The following LHFPL3 variants were observed in gnomAD, a reference collection of about 807,000 sequenced individuals.
LHFPL3 encodes the protein LHFPL tetraspan subfamily member 3 protein.
A neutral mutation model predicts 19.3 loss-of-function variants in LHFPL3; 5 were observed. The observed-to-expected ratio is 0.26, with a 90% CI of 0.14 to 0.54. The LOEUF is 0.54. Among genes scored for constraint, LHFPL3 ranks in the 20% least tolerant of loss-of-function variants. The probability of loss-of-function intolerance (pLI) is 0.94; values close to 1 mark genes in which losing one functional copy is unlikely to be tolerated. For missense variants in LHFPL3, 249 were observed against 307.4 expected, an observed-to-expected ratio of 0.81 and a Z score of 1.42; for synonymous variants, 133 against 126.2, an observed-to-expected ratio of 1.05 and a Z score of -0.36.
At chr7:104,843,902 C>T (rs1232316821) in intron 2 of LHFPL3, among the ~76,000 whole-genome samples, 1 of 152,136 alleles carries the variant, frequency 6.6e-6, no homozygotes. Flanking sequence ...TCAATAGGCC[C>T]ATCTACATGA....
Position 104,435,373 on chromosome 7 carries a change from C to T in LHFPL3, c.445+106149C>T, listed in dbSNP as rs1459116118. Among the ~76,000 whole-genome samples the T allele has an allele frequency of 2.6e-5, 4 of 151,820 alleles. No individual in the cohort carries two copies. The East Asian group carries it at 7.7e-4, about 29-fold the overall frequency. On this transcript the variant is annotated intron_variant, in intron 1 of 2. Transcript: ENST00000424859. ...GCCAGGCTGCTCTCGACCTCCTGGC[C>T]TCAAGTGATCTCCTTGCCTGGGCCT...
intron 2 of LHFPL3, among the ~76,000 whole-genome samples, chr7:104,737,336 A>G (rs1330275946): frequency 2.6e-5 from 4 of 152,154 alleles, no homozygotes; most frequent in African/African-American, 2.4e-5. Context: ...TCATCTATAT[A>G]TATCTTTATT....
intron 1 of LHFPL3, among the ~76,000 whole-genome samples, chr7:104,676,658 T>C (rs17490586): frequency 0.037 from 5,684 of 152,328 alleles, 127 homozygotes; most frequent in African/African-American, 0.046. Context: ...CTTAGAAATG[T>C]TTAGCCTCAG....
intron 2 of LHFPL3, among the ~76,000 whole-genome samples, chr7:104,840,261 T>C (rs937870998): frequency 2.6e-5 from 4 of 150,946 alleles, no homozygotes; most frequent in African/African-American, 9.7e-5. Context: ...AAAAATCATT[T>C]TCTTGAAGAT....
At chr7:104,670,270 T>C (rs1792451352) in intron 1 of LHFPL3, among the ~76,000 whole-genome samples, 1 of 151,826 alleles carries the variant, frequency 6.6e-6, no homozygotes, top group Non-Finnish European at 1.5e-5. Flanking sequence ...AATTGATGAG[T>C]CATTTTGCAC....
chr7:104,573,622 A>G (rs1314108057), intron 1 of LHFPL3, among the ~76,000 whole-genome samples: 1 of 152,182 alleles, frequency 6.6e-6, no homozygotes, highest in Non-Finnish European at 1.5e-5. Flanking sequence ...ATTCACACCT[A>G]CATCAGTCGC....
rs548190989 is a variant in LHFPL3, at chr7:104,591,296, T to A, written c.446-145379T>A. Reference sequence around the variant, plus strand: ...TTAGTGCTTCCTTCATGAGCTCTTGTAAGGCAGGCCTGATGGTGACAAAAG... The same window carrying A: ...TTAGTGCTTCCTTCATGAGCTCTTGAAAGGCAGGCCTGATGGTGACAAAAG... On this transcript the variant is annotated intron_variant, in intron 1 of 2. Transcript: ENST00000424859. Among the ~76,000 whole-genome samples the A allele has an allele frequency of 1.1e-4, 16 of 152,340 alleles. No individual in the cohort carries two copies. The South Asian group carries it at 3.3e-3, about 32-fold the overall frequency.
At chr7:104,695,777 A>G (rs1033772136) in intron 1 of LHFPL3, among the ~76,000 whole-genome samples, 1 of 152,246 alleles carries the variant, frequency 6.6e-6, no homozygotes, top group Non-Finnish European at 1.5e-5. Context: ...AACAAGGGCA[A>G]CCAACAATAA....
intron 1 of LHFPL3, among the ~76,000 whole-genome samples, chr7:104,734,816 T>C (rs1584504288): frequency 1.3e-5 from 2 of 152,372 alleles, no homozygotes; most frequent in African/African-American, 4.8e-5. Context: ...ATTTTCAGTT[T>C]TTCTGTTCTG....
chr7:104,733,827 T>C (rs1157859759), intron 1 of LHFPL3, among the ~76,000 whole-genome samples: 5 of 152,242 alleles, frequency 3.3e-5, no homozygotes, highest in Non-Finnish European at 7.3e-5. Flanking sequence ...CGATGGGCTT[T>C]ACAGTTTGGC....
chr7:104,405,045 G>C (rs1266242861), intron 1 of LHFPL3, among the ~76,000 whole-genome samples: 1 of 152,060 alleles, frequency 6.6e-6, no homozygotes, highest in African/African-American at 2.4e-5. Flanking sequence ...TAGTTACATG[G>C]GTTTTTAAGA....
At chr7:104,727,854 T>C (rs1793619653) in intron 1 of LHFPL3, among the ~76,000 whole-genome samples, 1 of 152,154 alleles carries the variant, frequency 6.6e-6, no homozygotes. Context: ...TTCTGTTCTT[T>C]AATGTCCAGT....
intron 1 of LHFPL3, among the ~76,000 whole-genome samples, chr7:104,570,082 G>C (rs545724401): frequency 4.6e-5 from 7 of 152,224 alleles, no homozygotes; most frequent in Admixed American, 4.6e-4. Flanking sequence ...TTAAGTGCTG[G>C]CTTAAATTAG....
At chr7:104,892,051 T>G (rs1034477514) in intron 2 of LHFPL3, among the ~76,000 whole-genome samples, 16 of 152,254 alleles carry the variant, frequency 1.1e-4, no homozygotes, top group Admixed American at 6.5e-5. Context: ...TTGCAACACT[T>G]TGCATATTGA....
chr7:104,719,840 G>T (rs966474045), intron 1 of LHFPL3, among the ~76,000 whole-genome samples: 9 of 152,134 alleles, frequency 5.9e-5, no homozygotes, highest in African/African-American at 2.2e-4. Context: ...TCCTGATTCT[G>T]CCATTTGTGG....
At chr7:104,686,438 G>T (rs1792807334) in intron 1 of LHFPL3, among the ~76,000 whole-genome samples, 1 of 152,184 alleles carries the variant, frequency 6.6e-6, no homozygotes, top group Non-Finnish European at 1.5e-5. Context: ...GGGCTTTGTG[G>T]TTGTCTGATA....
intron 1 of LHFPL3, among the ~76,000 whole-genome samples, chr7:104,341,799 A>G (rs894138505): frequency 1.1e-4 from 16 of 152,172 alleles, no homozygotes; most frequent in Admixed American, 8.5e-4. Flanking sequence ...TTTGCCTTTT[A>G]CAGGGTCAGG....
At position 104,588,435 on chromosome 7, in the gene LHFPL3, G is replaced by T. The variant is rs1584420746; in HGVS notation, c.446-148240G>T. 2.0e-5 allele frequency among the ~76,000 whole-genome samples: 3 copies of T among 152,202 alleles called. 1 individual carries two copies. The South Asian group carries it at 6.2e-4, about 32-fold the overall frequency. ...AAAGATCAGATGGTTGTAGATGTGT[G>T]GTATTATTTCTGAGGGTTCTGTTCT... On this transcript the variant is annotated intron_variant, in intron 1 of 2. Transcript: ENST00000424859.
At chr7:104,378,234 C>G (rs541877760) in intron 1 of LHFPL3, among the ~76,000 whole-genome samples, 1 of 152,268 alleles carries the variant, frequency 6.6e-6, no homozygotes, top group South Asian at 2.1e-4. Context: ...TGCAGTTATC[C>G]CCTCATGCCT....
Sources: gnomAD v4.1 joint callset for allele counts (sites outside exome capture counted in the v4.1 genomes callset) on GRCh38, gnomAD v4.1.1 for gene constraint, MANE v1.5 for transcripts, NCBI Gene and HGNC (gene_info 2026-07-23, HGNC 2026-07-21) for gene names.